Variants in ARHGAP45 observed in about 807,000 individuals in gnomAD.
ARHGAP45 encodes the protein rho GTPase-activating protein 45.
In ARHGAP45, 56 loss-of-function variants were observed where a neutral mutation model predicts 116.1. The observed-to-expected ratio is 0.48, with a 90% CI of 0.39 to 0.60. The LOEUF is 0.60. ARHGAP45 is among the 20% of genes least tolerant of loss of function. ARHGAP45 has a pLI of 0.00. For synonymous variants in ARHGAP45, 866 were observed against 701.7 expected, an observed-to-expected ratio of 1.23 and a Z score of -3.70; for missense variants, 1,622 against 1,601.0, an observed-to-expected ratio of 1.01 and a Z score of -0.22.
chr19:1,080,737 G>A lies in ARHGAP45; in HGVS notation c.1968G>A (p.Glu656=), dbSNP rs746762937. ...TSSSGTMSST[E]ELVDPDGGAG... ...CCAGTGGTACCATGTCGTCCACGGA[G>A]GAGCTGGTGGACCCAGACGGTGGAG... The change falls in exon 16 of 23, where the codon GAG becomes GAA. Residue 656 remains glutamate (E), a synonymous_variant. Transcript: ENST00000313093. The A allele has an allele frequency of 3.1e-6, 5 of 1,613,610 alleles. No homozygotes were observed. The highest frequency in any genetic ancestry group is 1.3e-5 in the African/African-American group (1 of 75,062).
At chr19:1,083,431 G>A (rs111252362) in intron 21 of ARHGAP45, 78 bp downstream of exon 21, 1 of 1,289,284 alleles carries the variant, frequency 7.8e-7, no homozygotes, top group Admixed American at 2.0e-5. Context: ...AGTCGTTGTC[G>A]GATGAAGCCC....
rs1263021489 is a variant in ARHGAP45 at position 1,084,281 on chromosome 19, C to T, written c.2999C>T (p.Pro1000Leu). 6 of 1,613,110 alleles carry T rather than the reference C, an allele frequency of 3.7e-6. No individual in the cohort carries two copies. The highest frequency in any genetic ancestry group is 1.1e-5 in the South Asian group (1 of 91,040). Residue 1000 changes from proline to leucine, a missense_variant, in exon 22 of 23, where the codon CCG (proline) becomes CTG (leucine). Around this residue, in one of 3 missense-constraint regions of ARHGAP45, gnomAD observed 1,334 missense variants for 1,263.8 expected, o/e 1.06. Coordinates refer to ENST00000313093, the MANE Select transcript of ARHGAP45 (RefSeq NM_012292.5). ...CGAGCTGAGGTAGTCGTCCAGGTGC[C>T]GTACCTGGAGGCGGGCGAGGCGGTG... ...NQRAEVVVQV[P>L]YLEAGEAVVY...
chr19:1,081,328 C>G (rs935966974), intron 17 of ARHGAP45: 5 of 641,064 alleles, frequency 7.8e-6, no homozygotes, highest in Non-Finnish European at 1.3e-5. Flanking sequence ...GGGCAAAGGC[C>G]CTGGAGCTGT....
chr19:1,070,236 C>T (rs770747434), intron 2 of ARHGAP45, among the ~76,000 whole-genome samples: 36 of 151,798 alleles, frequency 2.4e-4, no homozygotes, highest in Middle Eastern at 3.4e-3. Flanking sequence ...CCTCGTGATC[C>T]GCATGCCTCA....
At chr19:1,085,075 C>A (rs534497075) in intron 22 of ARHGAP45, among the ~76,000 whole-genome samples, 42 of 152,172 alleles carry the variant, frequency 2.8e-4, no homozygotes, top group African/African-American at 9.4e-4. Context: ...GAGAGAGACT[C>A]TGTCTCAAAA....
chr19:1,068,728 G>A lies in ARHGAP45; in HGVS notation c.405G>A (p.Glu135=), dbSNP rs2043085933. 1.2e-6 allele frequency: 2 copies of A among 1,612,374 alleles called. No homozygotes were observed. Among genetic ancestry groups the A allele is most frequent in the African/African-American group, 1.3e-5 (1 of 75,048 alleles). Residue 135 remains glutamate, a synonymous_variant, in exon 2 of 23, where the codon GAG becomes GAA. Coordinates refer to ENST00000313093, the MANE Select transcript of ARHGAP45 (RefSeq NM_012292.5). The surrounding 1 kb of genome is among the most constrained non-coding windows in gnomAD (Gnocchi z 7.5). ...RFAEGLEKLK[E]CVLRDDLLEA... ...CTGAGGGCCTTGAGAAACTTAAGGA[G>A]TGTGTGTTGCGTGACGGTGAGAGCC...
chr19:1,086,356 A>G lies in ARHGAP45; in HGVS notation c.*350A>G, dbSNP rs1016043955. The G allele has an allele frequency of 2.0e-5, 5 of 254,324 alleles. No individual in the cohort carries two copies. The highest frequency in any genetic ancestry group is 5.0e-5 in the Admixed American group (1 of 19,934). The allele number at this position is 254,324 out of a possible 1,614,324, so 15.8% of individuals were successfully genotyped here. ...ATCCCCCAGGTCATCACGGGGACGC[A>G]GGAGGCAGGCCCTGCCCTGCCCTCT... On this transcript the variant is annotated 3_prime_UTR_variant, in exon 23 of 23. Transcript: ENST00000313093.
chr19:1,072,878 A>G lies in ARHGAP45; in HGVS notation c.422-271A>G, dbSNP rs191456065. On this transcript the variant is annotated intron_variant, in intron 2 of 22. Transcript: ENST00000313093. ...CTGCAGGACTGTAGCTTGAAGGACA[A>G]GAGGCAGTTTGCTTTCTGGAGGGAC... Among the ~76,000 whole-genome samples, 43 of 152,246 alleles carry G rather than the reference A, an allele frequency of 2.8e-4. 1 individual carries two copies. The highest frequency in any genetic ancestry group is 2.8e-3 in the Admixed American group (43 of 15,290).
chr19:1,084,288 G>C lies in ARHGAP45; in HGVS notation c.3006G>C (p.Leu1002=). 6.2e-7 allele frequency: 1 copy of C among 1,613,140 alleles called. No individual in the cohort carries two copies. Among genetic ancestry groups the C allele is most frequent in the South Asian group, 1.1e-5 (1 of 91,036 alleles). Residue 1002 remains leucine (L), a synonymous_variant, in exon 22 of 23, where the codon CTG becomes CTC. Coordinates refer to ENST00000313093, the MANE Select transcript of ARHGAP45 (RefSeq NM_012292.5). ...RAEVVVQVPY[L]EAGEAVVYPL... is the part of the protein sequence containing the mutation. ...AGGTAGTCGTCCAGGTGCCGTACCT[G>C]GAGGCGGGCGAGGCGGTGGTCTACC...
chr19:1,078,213 G>A (rs1000932449), intron 11 of ARHGAP45, among the ~76,000 whole-genome samples, 168 bp downstream of exon 11: 3 of 150,142 alleles, frequency 2.0e-5, no homozygotes, highest in South Asian at 2.1e-4. Context: ...GCACAGTCTC[G>A]GCTCACTGCA....
chr19:1,075,037 A>G (rs774466551), intron 10 of ARHGAP45, among the ~76,000 whole-genome samples, 158 bp downstream of exon 10: 144 of 51,752 alleles, frequency 2.8e-3, no homozygotes, highest in Non-Finnish European at 4.7e-3. Context: ...GCCCCCCCCA[A>G]CGCCAAGCCG....
chr19:1,086,047 C>G lies in ARHGAP45; in HGVS notation c.*41C>G, dbSNP rs749062590. On this transcript the variant is annotated 3_prime_UTR_variant, in exon 23 of 23. Transcript: ENST00000313093. ...GGACCACAGGTGGCTTCTCTCTTGC[C>G]TGCTCCTGTCCCTCCAGCACGTCCC... 1 of 1,520,986 alleles carries G rather than the reference C, an allele frequency of 6.6e-7. No homozygotes were observed. The allele number at this position is 1,520,986 out of a possible 1,614,324, so 94.2% of individuals were successfully genotyped here. A position where few individuals can be genotyped will look rare whatever the true frequency, so the allele number is the denominator to read the frequency against.
chr19:1,080,790 A>AGGG lies in ARHGAP45; in HGVS notation c.2017+5_2017+7dup. 6.2e-7 allele frequency: 1 copy of AGGG among 1,613,086 alleles called. No individual in the cohort carries two copies. The highest frequency in any genetic ancestry group is 8.5e-7 in the Non-Finnish European group (1 of 1,179,784). On this transcript the variant is annotated splice_donor_region_variant and intron_variant, in intron 16 of 22. Transcript: ENST00000313093. ...GGGGCTTCAGCCTTTGAGCAGGGTG[A>AGGG]GGGTCCCCTGACGGGGCTGGAGAGA...
chr19:1,081,118 C>G, intron 17 of ARHGAP45, 54 bp downstream of exon 17: 1 of 1,530,524 alleles, frequency 6.5e-7, no homozygotes, highest in Non-Finnish European at 8.8e-7. Flanking sequence ...CTTTGGGGTG[C>G]CCAGCACCGC....
intron 11 of ARHGAP45, among the ~76,000 whole-genome samples, chr19:1,078,305 G>A (rs980357159): frequency 2.0e-5 from 3 of 151,126 alleles, no homozygotes; most frequent in South Asian, 2.1e-4. Context: ...CACCACGCCT[G>A]GCTAATTTTT....
intron 3 of ARHGAP45, 75 bp downstream of exon 3, chr19:1,073,367 G>T (rs1446029492): frequency 6.9e-6 from 11 of 1,589,270 alleles, no homozygotes; most frequent in Non-Finnish European, 8.6e-6. Flanking sequence ...GTTTGAAGTG[G>T]GTTTTGAAGG....
Position 1,081,970 on chromosome 19 carries a change from C to T in ARHGAP45, c.2517+9C>T, listed in dbSNP as rs375361663. On this transcript the variant is annotated intron_variant, in intron 19 of 22. Coordinates refer to ENST00000313093, the MANE Select transcript of ARHGAP45 (RefSeq NM_012292.5). ...AGCTCTACCTGCGTCAGGTGAGACC[C>T]ACCGGTGGTGGCCAGGCAGAGCCTG... 35 of 1,607,056 alleles carry T rather than the reference C, an allele frequency of 2.2e-5. No homozygotes were observed. The African/African-American group carries it at 3.6e-4, about 17-fold the overall frequency.
At chr19:1,085,526 C>T in intron 22 of ARHGAP45, 134 bp from the exon 23 acceptor site, 1 of 653,284 alleles carries the variant, frequency 1.5e-6, no homozygotes. Flanking sequence ...TCTCCTGTCT[C>T]TCCCCATCTC....
Position 1,074,104 on chromosome 19 carries a change from G to C in ARHGAP45, c.791G>C (p.Gly264Ala). The C allele has an allele frequency of 6.2e-7, 1 of 1,611,732 alleles. No homozygotes were observed. Among genetic ancestry groups the C allele is most frequent in the South Asian group, 1.1e-5 (1 of 90,918 alleles). ...TPPSLEDCDA[G>A]CLPAEEVDVL... ...CTGAGCAGGCCCCCGTTCCCTGCAG[G>C]CTGCCTGCCCGCCGAGGAGGTGGAC... is the stretch of plus-strand genomic sequence containing the variant. The change falls in exon 7 of 23, where the codon GGC becomes GCC. Residue 264 changes from glycine to alanine, a missense_variant and splice_region_variant. Around this residue, in one of 3 missense-constraint regions of ARHGAP45, gnomAD observed 1,334 missense variants for 1,263.8 expected, o/e 1.06. Coordinates refer to ENST00000313093, the MANE Select transcript of ARHGAP45 (RefSeq NM_012292.5).
Sources: allele counts gnomAD v4.1 joint callset (sites outside exome capture counted in the v4.1 genomes callset), GRCh38; gene constraint gnomAD v4.1.1; regional missense constraint gnomAD v4.1.1; non-coding constraint Gnocchi (gnomAD v3.1); transcripts MANE v1.5; gene names NCBI Gene and HGNC (gene_info 2026-07-23, HGNC 2026-07-21).